Variants in CD36 observed in about 807,000 individuals in gnomAD.
CD36 encodes the protein CD36 molecule (CD36 blood group), also known as platelet glycoprotein 4.
In CD36, 119 loss-of-function variants were observed where a neutral mutation model predicts 55.2. The observed-to-expected ratio is 2.15, with a 90% CI of 1.86 to 2.51. CD36 has a LOEUF of 2.51. Among genes scored for constraint, CD36 ranks in the 30% most tolerant of loss-of-function variants. The pLI, the probability that CD36 is intolerant of heterozygous loss-of-function variation, is 0.00. For synonymous variants in CD36, 186 were observed against 193.6 expected (o/e 0.96, Z 0.33); for missense variants, 819 against 555.5 (o/e 1.47, Z -4.77).
Position 80,616,366 on chromosome 7 carries a change from A to C in CD36, c.-184+13987A>C, listed in dbSNP as rs1329788602. On this transcript the variant is annotated intron_variant, in intron 1 of 13. Transcript: ENST00000309881. ...TTTCTACTGAATGTATATTGCTTTT[A>C]CACCATTGTGATGTTGAAGGGTTGT... is the stretch of plus-strand genomic sequence containing the variant. Among the ~76,000 whole-genome samples, 3 of 151,768 alleles carry C rather than the reference A, an allele frequency of 2.0e-5. No homozygotes were observed. In the East Asian group the frequency reaches 5.9e-4, roughly 30 times the overall value.
upstream of CD36, among the ~76,000 whole-genome samples, chr7:80,634,163 A>G (rs1320630182): frequency 6.6e-6 from 1 of 152,010 alleles, no homozygotes; most frequent in Non-Finnish European, 1.5e-5. Context: ...CTAGTCATCT[A>G]AAGAGCCTAG....
chr7:80,655,302 C>T (rs1430734754), intron 3 of CD36, among the ~76,000 whole-genome samples: 3 of 151,578 alleles, frequency 2.0e-5, no homozygotes, highest in Non-Finnish European at 4.4e-5. Context: ...GCGTAATAGA[C>T]TTCTGGCTCA....
At chr7:80,629,911 T>G (rs75773075) in intron 1 of CD36, among the ~76,000 whole-genome samples, 1 of 131,624 alleles carries the variant, frequency 7.6e-6, no homozygotes, top group Admixed American at 7.7e-5. Flanking sequence ...TTTTTTTTTT[T>G]GGTATCATGA....
At position 80,646,634 on chromosome 7, in the gene CD36, A is replaced by G; in HGVS notation, c.-89-18A>G. 7.5e-7 allele frequency: 1 copy of G among 1,325,430 alleles called. No homozygotes were observed. Among genetic ancestry groups the G allele is most frequent in the Non-Finnish European group, 1.1e-6 (1 of 920,446 alleles). 82.1% of individuals were successfully genotyped at this position (1,325,430 alleles called of 1,614,324 possible). Reference sequence around the variant, plus strand: ...CTGATATTTAAGCTTCTGTTTTATGATCTCTTTCTAATGATAGAACCAGAG... The same window carrying G: ...CTGATATTTAAGCTTCTGTTTTATGGTCTCTTTCTAATGATAGAACCAGAG... On this transcript the variant is annotated intron_variant, in intron 2 of 14. Coordinates refer to ENST00000447544, the MANE Select transcript of CD36 (RefSeq NM_001001548.3).
chr7:80,604,348 G>A (rs1484385626), intron 1 of CD36, among the ~76,000 whole-genome samples: 2 of 85,226 alleles, frequency 2.3e-5, no homozygotes, highest in Non-Finnish European at 4.9e-5. Context: ...TAAGCCACTG[G>A]AATTTTTTTT....
At chr7:80,625,187 A>G (rs1226814285) in intron 1 of CD36, 1 of 152,196 alleles carries the variant, frequency 6.6e-6, no homozygotes, top group Non-Finnish European at 1.5e-5. Context: ...TTCCATGGTA[A>G]GAATTAGCTA....
rs190146134 is a variant in CD36, at chr7:80,617,393, T to A, written c.-184+15014T>A. Among the ~76,000 whole-genome samples, 475 of 150,380 alleles carry A rather than the reference T, an allele frequency of 3.2e-3. 15 individuals are homozygous for A. In the East Asian group the frequency reaches 0.067, roughly 21 times the overall value. ...CTGAACTTAAAAGTTAAAAAAAAAATAAAATATATGTATCCTCAAAATAAT... is the reference window on the plus strand; with the variant it reads ...CTGAACTTAAAAGTTAAAAAAAAAAAAAAATATATGTATCCTCAAAATAAT... On this transcript the variant is annotated intron_variant, in intron 1 of 13. Coordinates refer to the CD36 transcript ENST00000309881.
At chr7:80,628,211 T>C (rs940974014) in intron 1 of CD36, among the ~76,000 whole-genome samples, 2 of 151,850 alleles carry the variant, frequency 1.3e-5, no homozygotes, top group Admixed American at 1.3e-4. Context: ...CAGCATCAAA[T>C]AAAAAAAATT....
At chr7:80,664,021 A>ATTTT (rs1027609741) in intron 6 of CD36, among the ~76,000 whole-genome samples, 9 of 152,026 alleles carry the variant, frequency 5.9e-5, no homozygotes, top group African/African-American at 1.7e-4. Flanking sequence ...GTAACCACTT[A>ATTTT]TTATCATTTT....
intron 7 of CD36, among the ~76,000 whole-genome samples, chr7:80,664,867 C>A (rs372828205): frequency 6.0e-4 from 70 of 116,838 alleles, no homozygotes; most frequent in East Asian, 1.2e-3. Flanking sequence ...AAAAAAAAAA[C>A]AACACATCAA....
Position 80,677,021 on chromosome 7 carries a change from TTTTCTA to T in CD36, c.*639_*644del, listed in dbSNP as rs1482425058. ...ATGTTCTTCCTTAAATTCCTGTGCT[TTTTCTA>T]GTTCCTCTTGTGTCATAAAATGTTT... On this transcript the variant is annotated 3_prime_UTR_variant, in exon 15 of 15. Transcript: ENST00000447544. 1 of 152,202 alleles carries T rather than the reference TTTTCTA, an allele frequency of 6.6e-6. No individual in the cohort carries two copies. The highest frequency in any genetic ancestry group is 1.5e-5 in the Non-Finnish European group (1 of 68,032). The allele number at this position is 152,202 out of a possible 1,614,324, so 9.4% of individuals were successfully genotyped here.
At chr7:80,654,462 G>A (rs529445317) in intron 3 of CD36, among the ~76,000 whole-genome samples, 1 of 152,252 alleles carries the variant, frequency 6.6e-6, no homozygotes, top group South Asian at 2.1e-4. Flanking sequence ...TTGTGTTTGT[G>A]TGTTCTCCCT....
In CD36 at chr7:80,669,997, C is replaced by T. The variant is rs964493808; in HGVS notation, c.793C>T (p.Gln265Ter). The change falls in exon 9 of 15, where the codon CAG becomes TAG. Residue 265 changes from glutamine (Q) to a stop codon, truncating the protein, a stop_gained. Coordinates refer to ENST00000447544, the MANE Select transcript of CD36 (RefSeq NM_001001548.3). LOFTEE classifies it high-confidence loss of function. The part of the protein sequence containing the change: ...PPFVEKSQVL[Q>*]FFSSDICRSI... ...TTTTGTTGAGAAAAGCCAGGTATTG[C>T]AGTTCTTTTCTTCTGATATTTGCAG... The T allele has an allele frequency of 3.7e-5, 59 of 1,610,474 alleles. No individual in the cohort carries two copies. The highest frequency in any genetic ancestry group is 4.7e-5 in the Non-Finnish European group (55 of 1,177,136).
intron 1 of CD36, among the ~76,000 whole-genome samples, chr7:80,615,248 T>C (rs1793081873): frequency 6.6e-6 from 1 of 152,150 alleles, no homozygotes; most frequent in African/African-American, 2.4e-5. Flanking sequence ...CATGTGACCT[T>C]TTAAAAGTAC....
upstream of CD36, among the ~76,000 whole-genome samples, chr7:80,633,828 T>C (rs1584328622): frequency 1.3e-5 from 2 of 152,174 alleles, no homozygotes; most frequent in African/African-American, 2.4e-5. Flanking sequence ...TGGTTTTACA[T>C]TGGTAACTAA....
chr7:80,604,139 G>T (rs1434342123), intron 1 of CD36, among the ~76,000 whole-genome samples: 2 of 151,896 alleles, frequency 1.3e-5, no homozygotes, highest in Admixed American at 6.6e-5. Flanking sequence ...TAGAGGAGGG[G>T]AATGAGGTTG....
chr7:80,663,525 A>G (rs1229071210), intron 6 of CD36, among the ~76,000 whole-genome samples: 1 of 151,944 alleles, frequency 6.6e-6, no homozygotes. Flanking sequence ...CCATATTTTT[A>G]TTTGTTTTAA....
chr7:80,642,248 T>A (rs1259860700), intron 1 of CD36, among the ~76,000 whole-genome samples: 1 of 152,154 alleles, frequency 6.6e-6, no homozygotes, highest in Non-Finnish European at 1.5e-5. Flanking sequence ...GTCTGTTTCT[T>A]ATAAAGGACA....
chr7:80,645,128 C>A (rs1795066363), intron 1 of CD36, among the ~76,000 whole-genome samples: 1 of 151,174 alleles, frequency 6.6e-6, no homozygotes, highest in African/African-American at 2.4e-5. Flanking sequence ...TCAAGCGATT[C>A]TCCTGCCTCA....
Sources: allele counts gnomAD v4.1 joint callset (sites outside exome capture counted in the v4.1 genomes callset), GRCh38; gene constraint gnomAD v4.1.1; transcripts MANE v1.5; gene names NCBI Gene and HGNC (gene_info 2026-07-23, HGNC 2026-07-21).